CTNNA3: variants seen among roughly 807,000 people sequenced by gnomAD.
The protein encoded by CTNNA3 is catenin alpha 3, also known as catenin alpha-3.
In CTNNA3, 76 loss-of-function variants were observed where a neutral mutation model predicts 95.7. That is an observed-to-expected ratio of 0.79 (90% CI 0.66 to 0.96). CTNNA3 has a LOEUF of 0.96. Ranked by LOEUF, CTNNA3 falls within the 40% of genes least tolerant of loss-of-function variation. CTNNA3 has a pLI of 0.00. For missense variants in CTNNA3, 1,191 were observed against 1,089.8 expected (o/e 1.09, Z -1.31); for synonymous variants, 431 against 374.4 (o/e 1.15, Z -1.74).
intron 7 of CTNNA3, among the ~76,000 whole-genome samples, chr10:67,168,971 C>T (rs1251916540): frequency 1.3e-5 from 2 of 152,092 alleles, no homozygotes; most frequent in East Asian, 3.9e-4. Flanking sequence ...ACAAAAATCA[C>T]TAGTATTCCT....
At chr10:67,120,584 GA>G (rs1859411228) in intron 7 of CTNNA3, among the ~76,000 whole-genome samples, 3 of 151,876 alleles carry the variant, frequency 2.0e-5, no homozygotes, top group African/African-American at 7.2e-5. Flanking sequence ...GAGTAGTCAA[GA>G]AAATTGAGCA....
chr10:65,959,936 A>G (rs1467484029), intron 17 of CTNNA3, among the ~76,000 whole-genome samples: 2 of 152,182 alleles, frequency 1.3e-5, no homozygotes, highest in Non-Finnish European at 2.9e-5. Context: ...TGGCTCTGGT[A>G]AAAAATGTCT....
intron 5 of CTNNA3, among the ~76,000 whole-genome samples, chr10:67,324,181 G>A (rs965070159): frequency 2.0e-4 from 30 of 152,128 alleles, no homozygotes; most frequent in African/African-American, 7.0e-4. Context: ...AAAAGGGATA[G>A]TTTGACTTCC....
chr10:66,856,868 T>C (rs1457584511), intron 7 of CTNNA3, among the ~76,000 whole-genome samples: 1 of 151,986 alleles, frequency 6.6e-6, no homozygotes, highest in Non-Finnish European at 1.5e-5. Context: ...TGTTTACTCT[T>C]TCAATAGTTT....
intron 9 of CTNNA3, among the ~76,000 whole-genome samples, chr10:66,725,753 T>C (rs1848762022): frequency 6.6e-6 from 1 of 152,068 alleles, no homozygotes; most frequent in African/African-American, 2.4e-5. Context: ...CATGAAGCAA[T>C]GGTCCAAACT....
intron 16 of CTNNA3, among the ~76,000 whole-genome samples, chr10:65,972,899 AG>A (rs371400892): frequency 4.2e-3 from 89 of 21,294 alleles, no homozygotes; most frequent in African/African-American, 7.6e-3. Flanking sequence ...AGCAATCCTA[AG>A]GGGGAAAAAA....
At chr10:66,564,945 C>T (rs1326231775) in intron 10 of CTNNA3, among the ~76,000 whole-genome samples, 1 of 152,126 alleles carries the variant, frequency 6.6e-6, no homozygotes. Context: ...AGCATTAGAA[C>T]CTATGTATCT....
chr10:67,422,402 T>C (rs1845776271), intron 5 of CTNNA3, among the ~76,000 whole-genome samples: 1 of 152,120 alleles, frequency 6.6e-6, no homozygotes, highest in Non-Finnish European at 1.5e-5. Context: ...ATGATATACA[T>C]TGTAAACAAT....
chr10:67,114,505 G>A (rs1261063533), intron 7 of CTNNA3, among the ~76,000 whole-genome samples: 1 of 152,030 alleles, frequency 6.6e-6, no homozygotes, highest in Admixed American at 6.6e-5. Context: ...TGGAGTCTCT[G>A]TAGATTTTTT....
intron 7 of CTNNA3, among the ~76,000 whole-genome samples, chr10:67,030,859 C>G (rs1853677167): frequency 6.6e-6 from 1 of 151,992 alleles, no homozygotes; most frequent in Non-Finnish European, 1.5e-5. Context: ...CAAAAATTAG[C>G]CAGGTGTGGT....
chr10:66,211,030 GT>G (rs1354914921), intron 13 of CTNNA3, among the ~76,000 whole-genome samples: 1 of 152,118 alleles, frequency 6.6e-6, no homozygotes, highest in Non-Finnish European at 1.5e-5. Flanking sequence ...GGGAAGCAAC[GT>G]TTTGGGAACA....
chr10:66,801,926 T>C (rs1589270476), intron 7 of CTNNA3, among the ~76,000 whole-genome samples: 1 of 151,696 alleles, frequency 6.6e-6, no homozygotes, highest in African/African-American at 2.4e-5. Flanking sequence ...AAAGAGAAGA[T>C]AATCCAGAAA....
chr10:66,927,025 G>T lies in CTNNA3; in HGVS notation c.1048-151501C>A, dbSNP rs377040735. 8 of 1,614,070 alleles carry T rather than the reference G, an allele frequency of 5.0e-6. No individual in the cohort carries two copies. The highest frequency in any genetic ancestry group is 6.8e-6 in the Non-Finnish European group (8 of 1,180,024). Reference sequence around the variant, plus strand: ...TTCTGCCGAACGAGGATGCCCTAAGGGCTGTAGGTGTGAAGGCAAAATGGT... The same window carrying T: ...TTCTGCCGAACGAGGATGCCCTAAGTGCTGTAGGTGTGAAGGCAAAATGGT... On this transcript the variant is annotated intron_variant, in intron 7 of 17. Transcript: ENST00000433211. The surrounding 1 kb of genome is among the most constrained non-coding windows in gnomAD (Gnocchi z 4.7).
chr10:67,701,758 C>G (rs1005299144), intron 1 of CTNNA3, among the ~76,000 whole-genome samples: 4 of 152,150 alleles, frequency 2.6e-5, no homozygotes, highest in African/African-American at 7.2e-5. Flanking sequence ...ATGACAGGAT[C>G]AAATTCACAC....
At chr10:66,347,423 C>A (rs1054654072) in intron 12 of CTNNA3, among the ~76,000 whole-genome samples, 1 of 151,866 alleles carries the variant, frequency 6.6e-6, no homozygotes, top group Non-Finnish European at 1.5e-5. Context: ...CCAGCTGGGG[C>A]AAGATTTTTG....
At chr10:67,533,837 T>C (rs988407104) in intron 4 of CTNNA3, among the ~76,000 whole-genome samples, 4 of 152,024 alleles carry the variant, frequency 2.6e-5, no homozygotes, top group Non-Finnish European at 4.4e-5. Flanking sequence ...AATATATAGA[T>C]ACATGCTATT....
At chr10:66,493,003 T>C (rs562889798) in intron 11 of CTNNA3, among the ~76,000 whole-genome samples, 2 of 151,168 alleles carry the variant, frequency 1.3e-5, no homozygotes, top group Non-Finnish European at 2.9e-5. Context: ...TGAATTGTGT[T>C]GAAAAAAGAA....
chr10:66,731,781 C>A (rs1848968413), intron 9 of CTNNA3, among the ~76,000 whole-genome samples: 1 of 152,092 alleles, frequency 6.6e-6, no homozygotes, highest in African/African-American at 2.4e-5. Context: ...ACTTTGCTAC[C>A]AACAATGGTT....
rs376461216 is a variant in CTNNA3 at position 67,682,041 on chromosome 10, G to A, written c.-6+13959C>T. On this transcript the variant is annotated intron_variant, in intron 1 of 17. Transcript: ENST00000433211. ...GGCGTGGTGGTGGGCACCCGTAATC[G>A]CAGCTACTCGGGAGGCTGAGGCAGG... Among the ~76,000 whole-genome samples, 32 of 151,310 alleles carry A rather than the reference G, an allele frequency of 2.1e-4. No individual in the cohort carries two copies. The East Asian group carries it at 4.7e-3, about 22-fold the overall frequency.
Sources: gnomAD v4.1 joint callset for allele counts (sites outside exome capture counted in the v4.1 genomes callset) on GRCh38, gnomAD v4.1.1 for gene constraint, Gnocchi (gnomAD v3.1) non-coding constraint, MANE v1.5 for transcripts, NCBI Gene and HGNC (gene_info 2026-07-23, HGNC 2026-07-21) for gene names.